The following RCC1L variants were observed in gnomAD, a reference collection of about 807,000 sequenced individuals.
The protein encoded by RCC1L is RCC1-like G exchanging factor-like protein.
Under a neutral mutation model 58.6 loss-of-function variants are expected in RCC1L, and 46 were observed. The observed-to-expected ratio is 0.79, with a 90% CI of 0.62 to 1.00. The LOEUF (loss-of-function observed/expected upper bound fraction) is 1.00. RCC1L is among the 50% of genes least tolerant of loss of function. RCC1L has a pLI of 0.00. For synonymous variants in RCC1L, 281 were observed against 262.9 expected (o/e 1.07, Z -0.67); for missense variants, 636 against 623.6 (o/e 1.02, Z -0.21).
chr7:75,030,525 T>C (rs200466833), intron 10 of RCC1L, among the ~76,000 whole-genome samples: 143,361 of 152,220 alleles, frequency 0.94, 67,506 homozygotes, highest in Middle Eastern at 0.98. Flanking sequence ...CTCAGGGTCA[T>C]TCATGAGGTT....
At chr7:75,039,635 C>T (rs1356459331), downstream of RCC1L, among the ~76,000 whole-genome samples, 1 of 152,092 alleles carries the variant, frequency 6.6e-6, no homozygotes, top group Admixed American at 6.6e-5. Flanking sequence ...GGGGGGAGGC[C>T]TCCTCAAGGC....
chr7:75,058,395 A>G (rs1255392424), intron 7 of RCC1L, among the ~76,000 whole-genome samples, 193 bp downstream of exon 7: 2 of 148,564 alleles, frequency 1.3e-5, no homozygotes, highest in Non-Finnish European at 3.0e-5. Context: ...CACCTGGCTA[A>G]TTTTTGTATT....
intron 6 of RCC1L, among the ~76,000 whole-genome samples, chr7:75,060,877 T>C (rs1055205631): frequency 1.8e-4 from 26 of 148,466 alleles, no homozygotes; most frequent in Non-Finnish European, 3.4e-4. Flanking sequence ...AGGTCAGGAG[T>C]TCAAGACCAG....
downstream of RCC1L, among the ~76,000 whole-genome samples, chr7:75,039,623 T>TG (rs1159239159): frequency 1.3e-5 from 2 of 151,794 alleles, no homozygotes; most frequent in African/African-American, 4.8e-5. Flanking sequence ...CCGAGGGAGA[T>TG]GGGGGGGAGG....
chr7:75,041,452 C>T (rs587747040), downstream of RCC1L, among the ~76,000 whole-genome samples: 2,180 of 152,112 alleles, frequency 0.014, 57 homozygotes, highest in African/African-American at 0.05. Context: ...CTGTTGTGAA[C>T]GCATTAAAGG....
intron 8 of RCC1L, chr7:75,056,704 C>G: frequency 6.5e-7 from 1 of 1,535,488 alleles, no homozygotes; most frequent in Non-Finnish European, 8.7e-7. Context: ...TCTAGGATGA[C>G]TCAGCTCTGT....
intron 7 of RCC1L, 57 bp from the exon 8 acceptor site, chr7:75,057,673 G>A: frequency 6.5e-7 from 1 of 1,545,854 alleles, no homozygotes; most frequent in Non-Finnish European, 8.9e-7. Flanking sequence ...GGACCGGGAA[G>A]TGTTCTGGTC....
chr7:75,032,331 A>T (rs1232885070), intron 10 of RCC1L, among the ~76,000 whole-genome samples: 1 of 152,176 alleles, frequency 6.6e-6, no homozygotes, highest in Non-Finnish European at 1.5e-5. Flanking sequence ...GAGCCTTGCC[A>T]TGGACATCAC....
At chr7:75,037,642 C>A (rs1475261876), downstream of RCC1L, among the ~76,000 whole-genome samples, 1 of 151,142 alleles carries the variant, frequency 6.6e-6, no homozygotes, top group African/African-American at 2.4e-5. Flanking sequence ...GTAGCTGGGA[C>A]TACAGGCACG....
downstream of RCC1L, among the ~76,000 whole-genome samples, chr7:75,040,903 T>G (rs925503242): frequency 3.3e-5 from 5 of 152,152 alleles, no homozygotes; most frequent in Non-Finnish European, 5.9e-5. Context: ...CACTGCTGGC[T>G]GGGTGACCAT....
chr7:75,051,337 C>CAT (rs1209146726), intron 10 of RCC1L, among the ~76,000 whole-genome samples: 3 of 148,438 alleles, frequency 2.0e-5, no homozygotes, highest in South Asian at 2.1e-4. Context: ...CACACACACA[C>CAT]ATATATATAC....
chr7:75,061,761 T>C (rs1181495259), intron 5 of RCC1L, among the ~76,000 whole-genome samples: 1 of 152,214 alleles, frequency 6.6e-6, no homozygotes. Flanking sequence ...GCCTCTGCAC[T>C]GTGATCTCTG....
chr7:75,062,325 C>T (rs1806302273), intron 5 of RCC1L, among the ~76,000 whole-genome samples: 1 of 152,196 alleles, frequency 6.6e-6, no homozygotes, highest in South Asian at 2.1e-4. Context: ...TGAGACCAGC[C>T]TGGCCAGCAC....
intron 10 of RCC1L, among the ~76,000 whole-genome samples, chr7:75,045,445 G>A (rs1805690975): frequency 6.6e-6 from 1 of 152,154 alleles, no homozygotes; most frequent in African/African-American, 2.4e-5. Context: ...CTCCCGAAGT[G>A]CTGGGATTCC....
At chr7:75,054,756 T>G (rs1469275200) in intron 9 of RCC1L, among the ~76,000 whole-genome samples, 1 of 152,066 alleles carries the variant, frequency 6.6e-6, no homozygotes, top group Non-Finnish European at 1.5e-5. Context: ...CACTCCAGCC[T>G]GGGCAACAAG....
intron 10 of RCC1L, among the ~76,000 whole-genome samples, chr7:75,035,011 T>C (rs1805406725): frequency 6.6e-6 from 1 of 151,868 alleles, no homozygotes; most frequent in Non-Finnish European, 1.5e-5. Context: ...ACCAAGAGGG[T>C]TCCCTAATTT....
intron 1 of RCC1L, among the ~76,000 whole-genome samples, chr7:75,072,161 C>CATATACATATATATATATATATAT (rs1455614533): frequency 3.7e-4 from 17 of 46,354 alleles, no homozygotes; most frequent in Non-Finnish European, 4.6e-4. Context: ...TATACATATA[C>CATATACATATATATATATATATAT]ATATATATAT....
chr7:75,072,939 C>A (rs6460094), intron 1 of RCC1L, among the ~76,000 whole-genome samples: 80,744 of 152,038 alleles, frequency 0.53, 23,067 homozygotes, highest in East Asian at 0.88. Flanking sequence ...GACCCTGTCT[C>A]TAAAAAATAA....
intron 7 of RCC1L, 90 bp from the exon 8 acceptor site, chr7:75,057,706 C>T (rs917134238): frequency 1.1e-5 from 12 of 1,125,372 alleles, no homozygotes; most frequent in Non-Finnish European, 1.6e-5. Context: ...TAGCTGAGTC[C>T]TAGTTCATTC....
Sources: gnomAD v4.1 joint callset for allele counts (sites outside exome capture counted in the v4.1 genomes callset) on GRCh38, gnomAD v4.1.1 for gene constraint, MANE v1.5 for transcripts, NCBI Gene and HGNC (gene_info 2026-07-23, HGNC 2026-07-21) for gene names.